Variants in SRCIN1 observed in about 807,000 individuals in gnomAD.
SRCIN1 encodes SRC kinase signaling inhibitor 1, also known as P130Cas-associated protein.
SRCIN1 carries 50 observed loss-of-function variants against 116.2 expected under a neutral mutation model. The observed-to-expected ratio is 0.43, with a 90% CI of 0.34 to 0.54. The LOEUF (loss-of-function observed/expected upper bound fraction) is 0.54, where lower values mean the gene tolerates loss of function less well. Among genes scored for constraint, SRCIN1 ranks in the 20% least tolerant of loss-of-function variants. The pLI, the probability that SRCIN1 is intolerant of heterozygous loss-of-function variation, is 0.02. For synonymous variants in SRCIN1, 736 were observed against 750.0 expected, an observed-to-expected ratio of 0.98 and a Z score of 0.30; for missense variants, 1,446 against 1,672.0, an observed-to-expected ratio of 0.86 and a Z score of 2.36.
chr17:38,554,106 G>C (rs1459080085), intron 11 of SRCIN1, among the ~76,000 whole-genome samples: 1 of 152,068 alleles, frequency 6.6e-6, no homozygotes, highest in African/African-American at 2.4e-5. Context: ...AGCTACTTGG[G>C]AGGCTGAGGC....
At position 38,602,987 on chromosome 17, in the gene SRCIN1, G is replaced by A. The variant is rs960166251; in HGVS notation, c.22+2697C>T. Among the ~76,000 whole-genome samples the A allele has an allele frequency of 6.6e-6, 1 of 152,064 alleles. No homozygotes were observed. Among genetic ancestry groups the A allele is most frequent in the Non-Finnish European group, 1.5e-5 (1 of 68,000 alleles). On this transcript the variant is annotated intron_variant, in intron 1 of 18. Coordinates refer to ENST00000617146, the MANE Select transcript of SRCIN1 (RefSeq NM_025248.3). This position sits in a 1 kb window ranked among gnomAD's most constrained non-coding sequence, Gnocchi z 4.2. Reference sequence around the variant, plus strand: ...ACTGGGTACTTCAAAGAGCCCAGCCGCCTCCCTCCTAAGCACTTCCAGGGC... The same window carrying A: ...ACTGGGTACTTCAAAGAGCCCAGCCACCTCCCTCCTAAGCACTTCCAGGGC...
At chr17:38,603,217 G>GAGAGAGAA (rs1295125603) in intron 1 of SRCIN1, among the ~76,000 whole-genome samples, 1 of 152,042 alleles carries the variant, frequency 6.6e-6, no homozygotes, top group Non-Finnish European at 1.5e-5. Context: ...GAGGGGGAGA[G>GAGAGAGAA]AGAGAGAAAG....
chr17:38,552,934 G>T lies in SRCIN1; in HGVS notation c.2202-79C>A. On this transcript the variant is annotated intron_variant, in intron 11 of 18. Transcript: ENST00000617146. This position sits in a 1 kb window ranked among gnomAD's most constrained non-coding sequence, Gnocchi z 5.3. The stretch of plus-strand genomic sequence containing the variant: ...CCCCCTGAAATTGGGCAACTGGAAA[G>T]AAATCAGGCCACCAGTTGGATCGAA... The T allele has an allele frequency of 6.5e-7, 1 of 1,547,820 alleles. No homozygotes were observed. The highest frequency in any genetic ancestry group is 1.2e-5 in the South Asian group (1 of 81,018).
intron 15 of SRCIN1, among the ~76,000 whole-genome samples, chr17:38,549,907 G>T (rs1241536218): frequency 6.6e-6 from 1 of 152,154 alleles, no homozygotes; most frequent in Non-Finnish European, 1.5e-5. Flanking sequence ...GTTTGCACAC[G>T]CTGTTCCCTC....
chr17:38,544,110 C>A lies in SRCIN1; in HGVS notation c.3271-141G>T. The A allele has an allele frequency of 8.7e-6, 9 of 1,040,228 alleles. No individual in the cohort carries two copies. The highest frequency in any genetic ancestry group is 1.2e-5 in the Non-Finnish European group (9 of 741,470). The allele number at this position is 1,040,228 out of a possible 1,614,324, so 64.4% of individuals were successfully genotyped here. A position where few individuals can be genotyped will look rare whatever the true frequency, so the allele number is the denominator to read the frequency against. On this transcript the variant is annotated intron_variant, in intron 17 of 18. Transcript: ENST00000617146. This position sits in a 1 kb window ranked among gnomAD's most constrained non-coding sequence, Gnocchi z 4.5. ...ACCTGGAGACCCCTCTCTAGCTCCA[C>A]ACCCGAGTCCAGAACCCAGGTCCAC... is the stretch of plus-strand genomic sequence containing the variant.
Position 38,533,402 on chromosome 17 carries a change from C to G in SRCIN1, c.3447G>C (p.Gly1149=), listed in dbSNP as rs200951084. The change falls in exon 19 of 19, where the codon GGG becomes GGC. Residue 1149 remains glycine (G), a synonymous_variant. Coordinates refer to ENST00000617146, the MANE Select transcript of SRCIN1 (RefSeq NM_025248.3). ...AGACTGGGCTCGAGGTCTCATTCGA[C>G]CCGCTCATCTCTTTAGATGGTTTAG... ...QATKPSKEMS[G]SNETSSPVSE... 1 of 1,612,938 alleles carries G rather than the reference C, an allele frequency of 6.2e-7. No individual in the cohort carries two copies. Among genetic ancestry groups the G allele is most frequent in the South Asian group, 1.1e-5 (1 of 90,684 alleles).
chr17:38,543,557 T>C (rs1904881458), intron 18 of SRCIN1, among the ~76,000 whole-genome samples: 1 of 152,160 alleles, frequency 6.6e-6, no homozygotes, highest in Non-Finnish European at 1.5e-5. Flanking sequence ...TGGAGAGTCT[T>C]CTCTGTGTCT....
chr17:38,582,886 G>C (rs1001650344), intron 1 of SRCIN1, among the ~76,000 whole-genome samples: 4 of 152,062 alleles, frequency 2.6e-5, no homozygotes, highest in African/African-American at 4.8e-5. Context: ...GGTTGAGGGT[G>C]GGGGAGCATC....
intron 18 of SRCIN1, among the ~76,000 whole-genome samples, chr17:38,536,253 G>A (rs768412879): frequency 3.9e-5 from 6 of 152,212 alleles, no homozygotes; most frequent in Non-Finnish European, 7.3e-5. Context: ...GAGGGAGCAC[G>A]TCCAGCTGTG....
In SRCIN1 at chr17:38,531,633, G is replaced by C. The variant is rs1243309898; in HGVS notation, c.*1664C>G. 6.8e-6 allele frequency: 1 copy of C among 147,286 alleles called. No homozygotes were observed. The highest frequency in any genetic ancestry group is 2.0e-4 in the East Asian group (1 of 5,064). 9.1% of individuals were successfully genotyped at this position (147,286 alleles called of 1,614,324 possible). The stretch of plus-strand genomic sequence containing the variant: ...TCCTCTTTTGTTATTTTTCAAAAAG[G>C]CTTGCTCGCCTTGGTACAAAAATGA... On this transcript the variant is annotated 3_prime_UTR_variant, in exon 19 of 19. Coordinates refer to ENST00000617146, the MANE Select transcript of SRCIN1 (RefSeq NM_025248.3).
chr17:38,588,264 T>G (rs1908241749), intron 1 of SRCIN1, among the ~76,000 whole-genome samples: 1 of 152,190 alleles, frequency 6.6e-6, no homozygotes, highest in Admixed American at 6.5e-5. Context: ...CTAATGAAGA[T>G]CTGGCTAATT....
Position 38,562,462 on chromosome 17 carries a change from G to A in SRCIN1, c.835-134C>T. 9.1e-7 allele frequency: 1 copy of A among 1,102,816 alleles called. No homozygotes were observed. The highest frequency in any genetic ancestry group is 1.2e-6 in the Non-Finnish European group (1 of 819,658). 68.3% of individuals were successfully genotyped at this position (1,102,816 alleles called of 1,614,324 possible). A position where few individuals can be genotyped will look rare whatever the true frequency, so the allele number is the denominator to read the frequency against. ...CTCTCTGCCCTCCCTCCATCCTGCTGCGTCTAGGGTCCCTTTCCCATCAGG... is the reference window on the plus strand; with the variant it reads ...CTCTCTGCCCTCCCTCCATCCTGCTACGTCTAGGGTCCCTTTCCCATCAGG... On this transcript the variant is annotated intron_variant, in intron 6 of 18. Transcript: ENST00000617146. This position sits in a 1 kb window ranked among gnomAD's most constrained non-coding sequence, Gnocchi z 4.2.
intron 18 of SRCIN1, among the ~76,000 whole-genome samples, chr17:38,535,369 C>T (rs895808886): frequency 3.9e-5 from 6 of 151,910 alleles, no homozygotes; most frequent in African/African-American, 2.4e-5. Context: ...CCACCACGCC[C>T]GGCTAATTTT....
chr17:38,554,484 C>G (rs1406108794), intron 11 of SRCIN1, among the ~76,000 whole-genome samples: 1 of 152,236 alleles, frequency 6.6e-6, no homozygotes, highest in Non-Finnish European at 1.5e-5. Context: ...CACACACGTG[C>G]TAACTCCCAC....
chr17:38,568,174 T>C lies in SRCIN1; in HGVS notation c.345+37A>G, dbSNP rs747001026. On this transcript the variant is annotated intron_variant, in intron 3 of 18. Coordinates refer to ENST00000617146, the MANE Select transcript of SRCIN1 (RefSeq NM_025248.3). The surrounding 1 kb of genome is among the most constrained non-coding windows in gnomAD (Gnocchi z 4.5). ...GCAGGGGCAGGGGAGGGAGAGCACA[T>C]GCAGTTGTCATGGGAGCAGAGGCAT... The C allele has an allele frequency of 1.9e-6, 3 of 1,611,340 alleles. No homozygotes were observed. Among genetic ancestry groups the C allele is most frequent in the East Asian group, 2.2e-5 (1 of 44,852 alleles).
At position 38,562,082 on chromosome 17, in the gene SRCIN1, C is replaced by G; in HGVS notation, c.1081G>C (p.Val361Leu). 3 of 1,451,904 alleles carry G rather than the reference C, an allele frequency of 2.1e-6. No individual in the cohort carries two copies. Among genetic ancestry groups the G allele is most frequent in the South Asian group, 1.3e-5 (1 of 74,504 alleles). 89.9% of individuals were successfully genotyped at this position (1,451,904 alleles called of 1,614,324 possible). Residue 361 changes from valine (V) to leucine (L), a missense_variant, in exon 7 of 19, where the codon GTC becomes CTC. By Grantham distance (32) the Val-to-Leu change is conservative. Transcript: ENST00000617146. The surrounding 1 kb of genome is among the most constrained non-coding windows in gnomAD (Gnocchi z 4.2). ...RLGGAPAAQG[V>L]SPSPSAILER... ...AGGATGGCGCTGGGGCTGGGGCTGA[C>G]GCCCTGGGCGGCCGGGGCGCCTCCC...
upstream of SRCIN1, among the ~76,000 whole-genome samples, chr17:38,606,394 G>A (rs1210405461): frequency 6.6e-6 from 1 of 152,024 alleles, no homozygotes; most frequent in East Asian, 1.9e-4. The surrounding 1 kb of genome is among the most constrained non-coding windows in gnomAD (Gnocchi z 5.2). Flanking sequence ...CAAGGTGACC[G>A]CGGAAACCAA....
intron 1 of SRCIN1, among the ~76,000 whole-genome samples, chr17:38,592,685 CAT>C (rs1309994806): frequency 1.3e-5 from 2 of 152,168 alleles, no homozygotes; most frequent in Non-Finnish European, 2.9e-5. Context: ...GTGCCTGGCA[CAT>C]GTGTCATCAT....
At chr17:38,605,408 G>A (rs1176546946) in intron 1 of SRCIN1, among the ~76,000 whole-genome samples, 1 of 143,304 alleles carries the variant, frequency 7.0e-6, no homozygotes, top group African/African-American at 2.6e-5. Flanking sequence ...CCGGGGCGTA[G>A]TGAGGCCCTC....
Sources: allele counts gnomAD v4.1 joint callset (sites outside exome capture counted in the v4.1 genomes callset), GRCh38; gene constraint gnomAD v4.1.1; non-coding constraint Gnocchi (gnomAD v3.1); transcripts MANE v1.5; gene names NCBI Gene and HGNC (gene_info 2026-07-23, HGNC 2026-07-21).